The following KIF1B variants were observed in gnomAD, a reference collection of about 807,000 sequenced individuals.
KIF1B encodes kinesin-like protein KIF1B.
A neutral mutation model predicts 241.9 loss-of-function variants in KIF1B; 76 were observed. That is an observed-to-expected ratio of 0.31 (90% CI 0.26 to 0.38). KIF1B has a LOEUF of 0.38. KIF1B is among the 10% of genes least tolerant of loss of function. The probability of loss-of-function intolerance (pLI) is 1.00; values close to 1 mark genes in which losing one functional copy is unlikely to be tolerated. For missense variants in KIF1B, 1,622 were observed against 2,271.4 expected, an observed-to-expected ratio of 0.71 and a Z score of 5.81; for synonymous variants, 750 against 796.7, an observed-to-expected ratio of 0.94 and a Z score of 0.99.
At chr1:10,260,867 C>CAA (rs199595339) in intron 4 of KIF1B, among the ~76,000 whole-genome samples, 2 of 99,798 alleles carry the variant, frequency 2.0e-5, no homozygotes, top group Non-Finnish European at 4.2e-5. Flanking sequence ...AACTCGGTCT[C>CAA]AAAAAAAAAA....
chr1:10,265,072 A>G (rs1253683623), intron 5 of KIF1B, among the ~76,000 whole-genome samples: 3 of 151,146 alleles, frequency 2.0e-5, no homozygotes, highest in Admixed American at 1.3e-4. Flanking sequence ...GGGCTCAGTG[A>G]TCGTCCTGCC....
Position 10,216,957 on chromosome 1 carries a change from C to CTTTTTTTTT in KIF1B, c.-80+6105_-80+6113dup, listed in dbSNP as rs70998362. Among the ~76,000 whole-genome samples the CTTTTTTTTT allele has an allele frequency of 2.7e-3, 148 of 54,530 alleles. 11 individuals carry two copies. The highest frequency in any genetic ancestry group is 8.0e-3 in the African/African-American group (122 of 15,234). 35.8% of individuals were successfully genotyped at this position (54,530 alleles called of 152,430 possible). Reference sequence around the variant, plus strand: ...TTTCCCTGCAGTACTTGCCCATTTTCTTTTTTTTTTTTTTTTTTTTTTTTT... The same window carrying CTTTTTTTTT: ...TTTCCCTGCAGTACTTGCCCATTTTCTTTTTTTTTTTTTTTTTTTTTTTTTTTTTTTTTT... On this transcript the variant is annotated intron_variant, in intron 1 of 48. Coordinates refer to ENST00000676179, the MANE Select transcript of KIF1B (RefSeq NM_001365951.3).
intron 2 of KIF1B, among the ~76,000 whole-genome samples, chr1:10,249,727 C>T (rs1478473221): frequency 6.6e-6 from 1 of 152,224 alleles, no homozygotes; most frequent in East Asian, 1.9e-4. Context: ...CCTAGGGAGA[C>T]CCTGTCTCTA....
At chr1:10,271,608 A>G in intron 8 of KIF1B, 29 bp downstream of exon 8, 1 of 1,426,408 alleles carries the variant, frequency 7.0e-7, no homozygotes, top group South Asian at 1.1e-5. Context: ...AAATGGCCTG[A>G]TCAATAAATG....
chr1:10,256,537 CAT>C (rs1377583292), intron 3 of KIF1B, among the ~76,000 whole-genome samples: 1 of 152,008 alleles, frequency 6.6e-6, no homozygotes, highest in Non-Finnish European at 1.5e-5. Context: ...AATATATACA[CAT>C]ATATACATAC....
intron 24 of KIF1B, among the ~76,000 whole-genome samples, 178 bp downstream of exon 24, chr1:10,322,035 T>C (rs1031909606): frequency 3.9e-5 from 6 of 152,244 alleles, no homozygotes; most frequent in Non-Finnish European, 8.8e-5. Context: ...AGGTGCTAAT[T>C]AAATTTTTGT....
chr1:10,335,645 T>G (rs988003281), intron 28 of KIF1B, among the ~76,000 whole-genome samples: 2 of 152,082 alleles, frequency 1.3e-5, no homozygotes, highest in Non-Finnish European at 2.9e-5. Context: ...TTGTTTGTTT[T>G]TTTCTCAGAG....
At chr1:10,261,359 C>T (rs1648134640) in intron 4 of KIF1B, among the ~76,000 whole-genome samples, 1 of 151,594 alleles carries the variant, frequency 6.6e-6, no homozygotes, top group Non-Finnish European at 1.5e-5. Context: ...CAACCTCCGC[C>T]TCCTGGGTTC....
At chr1:10,224,862 G>A (rs1161541039) in intron 1 of KIF1B, among the ~76,000 whole-genome samples, 1 of 152,132 alleles carries the variant, frequency 6.6e-6, no homozygotes, top group African/African-American at 2.4e-5. Context: ...ATTCTTTTTA[G>A]CCCCAGGGAC....
intron 17 of KIF1B, 48 bp downstream of exon 17, chr1:10,292,170 T>C (rs76694630): frequency 0.023 from 34,361 of 1,464,722 alleles, 524 homozygotes; most frequent in Non-Finnish European, 0.028. Flanking sequence ...CACTTTTTGT[T>C]TGTCTTTGTT....
chr1:10,212,900 A>G (rs868584318), intron 1 of KIF1B, among the ~76,000 whole-genome samples: 239 of 84,916 alleles, frequency 2.8e-3, no homozygotes, highest in South Asian at 5.3e-3. Context: ...GTATATATAT[A>G]TATATATATA....
chr1:10,337,015 TG>T lies in KIF1B; in HGVS notation c.3130-55del. The T allele has an allele frequency of 6.2e-7, 1 of 1,609,794 alleles. No individual in the cohort carries two copies. Among genetic ancestry groups the T allele is most frequent in the Non-Finnish European group, 8.5e-7 (1 of 1,176,984 alleles). On this transcript the variant is annotated intron_variant, in intron 29 of 48. Transcript: ENST00000676179. This position sits in a 1 kb window ranked among gnomAD's most constrained non-coding sequence, Gnocchi z 4.0. ...GACAGATAAACAGAAGTAAGGCAAC[TG>T]GGGAAAAATACGTTTTTATACTACT...
intron 7 of KIF1B, among the ~76,000 whole-genome samples, chr1:10,271,119 A>T (rs1444998456): frequency 2.0e-5 from 3 of 151,664 alleles, no homozygotes; most frequent in East Asian, 3.9e-4. Flanking sequence ...TGTTTATCCT[A>T]AAGTTACTTT....
At chr1:10,306,130 G>A in intron 22 of KIF1B, 2 of 1,039,284 alleles carry the variant, frequency 1.9e-6, no homozygotes, top group Non-Finnish European at 2.3e-6. Flanking sequence ...CTTTCTTAAT[G>A]CTCAGAAAGT....
chr1:10,291,576 G>A (rs904911859), intron 16 of KIF1B, among the ~76,000 whole-genome samples: 2 of 152,058 alleles, frequency 1.3e-5, no homozygotes, highest in Non-Finnish European at 2.9e-5. Context: ...GCCGGGCATG[G>A]TGGTGGGCAC....
In KIF1B at chr1:10,371,124, G is replaced by C. The variant is rs772366876; in HGVS notation, c.4825-17G>C. 6.2e-7 allele frequency: 1 copy of C among 1,614,112 alleles called. No homozygotes were observed. The highest frequency in any genetic ancestry group is 1.1e-5 in the South Asian group (1 of 91,086). On this transcript the variant is annotated splice_polypyrimidine_tract_variant and intron_variant, in intron 44 of 48. Transcript: ENST00000676179. ...TTTTCAGCTGAATGTAACTTGTAGT[G>C]TTCGGTTTGCTTCCAGTTGTCTGAT... is the stretch of plus-strand genomic sequence containing the variant.
rs1650232283 is a variant in KIF1B, at chr1:10,295,774, T to A, written c.1777+8T>A. ...GAAGCAACAGCGGGGAAGGTGAGCA[T>A]TCCTGGCTGGAGCTTCAGCAACAAC... is the stretch of plus-strand genomic sequence containing the variant. On this transcript the variant is annotated splice_region_variant and intron_variant, in intron 19 of 48. Transcript: ENST00000676179. 6.2e-7 allele frequency: 1 copy of A among 1,607,664 alleles called. No individual in the cohort carries two copies. Among genetic ancestry groups the A allele is most frequent in the Non-Finnish European group, 8.5e-7 (1 of 1,174,468 alleles).
chr1:10,336,947 C>G (rs1446425641), intron 29 of KIF1B, 127 bp from the exon 30 acceptor site: 3 of 1,300,010 alleles, frequency 2.3e-6, no homozygotes. Context: ...TTTCCTCAGA[C>G]AGCCCTCAGT....
At chr1:10,268,641 T>G (rs1443220300) in intron 7 of KIF1B, among the ~76,000 whole-genome samples, 1 of 151,560 alleles carries the variant, frequency 6.6e-6, no homozygotes, top group Non-Finnish European at 1.5e-5. Context: ...TTTTTTTTTT[T>G]TGAGCTATGA....
Sources: allele counts gnomAD v4.1 joint callset (sites outside exome capture counted in the v4.1 genomes callset), GRCh38; gene constraint gnomAD v4.1.1; non-coding constraint Gnocchi (gnomAD v3.1); transcripts MANE v1.5; gene names NCBI Gene and HGNC (gene_info 2026-07-23, HGNC 2026-07-21).